Variants in COX10 observed in about 807,000 individuals in gnomAD.
COX10 encodes the protein protoheme IX farnesyltransferase, mitochondrial.
A neutral mutation model predicts 37.3 loss-of-function variants in COX10; 27 were observed. The observed-to-expected ratio is 0.72, with a 90% CI of 0.53 to 1.00. The LOEUF (loss-of-function observed/expected upper bound fraction) is 1.00. Among genes scored for constraint, COX10 ranks in the 50% least tolerant of loss-of-function variants. The pLI is 0.00. For missense variants in COX10, 475 were observed against 563.2 expected (o/e 0.84, Z 1.59); for synonymous variants, 222 against 229.1 (o/e 0.97, Z 0.28).
chr17:14,131,291 G>A (rs1162450831), intron 4 of COX10, among the ~76,000 whole-genome samples: 1 of 151,976 alleles, frequency 6.6e-6, no homozygotes, highest in East Asian at 1.9e-4. Flanking sequence ...AAGACAATAC[G>A]CTACAACAGA....
At chr17:14,127,579 A>G (rs1412756785) in intron 4 of COX10, among the ~76,000 whole-genome samples, 1 of 152,182 alleles carries the variant, frequency 6.6e-6, no homozygotes, top group East Asian at 1.9e-4. Flanking sequence ...TCTATTTATA[A>G]TATTCATGTA....
At chr17:14,181,789 A>G (rs1905867841) in intron 5 of COX10, among the ~76,000 whole-genome samples, 1 of 152,126 alleles carries the variant, frequency 6.6e-6, no homozygotes, top group South Asian at 2.1e-4. Context: ...AAAACATACT[A>G]AGAGATTGGA....
Position 14,206,807 on chromosome 17 carries a change from C to G in COX10, c.929-3C>G. 1 of 1,613,512 alleles carries G rather than the reference C, an allele frequency of 6.2e-7. No homozygotes were observed. Among genetic ancestry groups the G allele is most frequent in the Non-Finnish European group, 8.5e-7 (1 of 1,179,598 alleles). The stretch of plus-strand genomic sequence containing the variant: ...TCCCTCTCCTTCCCTGACCCCCGCA[C>G]AGGCGCATTTCTCCTGGGAGGAATC... On this transcript the variant is annotated splice_region_variant and splice_polypyrimidine_tract_variant and intron_variant, in intron 6 of 6. Coordinates refer to ENST00000261643, the MANE Select transcript of COX10 (RefSeq NM_001303.4).
At chr17:14,170,823 A>G (rs1329349035) in intron 5 of COX10, among the ~76,000 whole-genome samples, 1 of 152,158 alleles carries the variant, frequency 6.6e-6, no homozygotes, top group Non-Finnish European at 1.5e-5. Flanking sequence ...TCTCAGAGAA[A>G]AGAAAAATTC....
intron 4 of COX10, among the ~76,000 whole-genome samples, chr17:14,136,186 C>A (rs1904360686): frequency 6.6e-6 from 1 of 151,850 alleles, no homozygotes; most frequent in Non-Finnish European, 1.5e-5. Context: ...GTTTTGAAGG[C>A]TCAGAAATAC....
chr17:14,110,090 G>T (rs573491305), intron 4 of COX10, among the ~76,000 whole-genome samples: 1 of 152,154 alleles, frequency 6.6e-6, no homozygotes, highest in African/African-American at 2.4e-5. Flanking sequence ...TGTTCTCAGA[G>T]ACTTTATTTT....
At chr17:14,089,373 T>C (rs1252968362) in intron 3 of COX10, among the ~76,000 whole-genome samples, 3 of 152,258 alleles carry the variant, frequency 2.0e-5, no homozygotes, top group African/African-American at 7.2e-5. Flanking sequence ...TGTACTGATC[T>C]GGCAGCAGTT....
rs1567607448 is a variant in COX10 at position 14,172,572 on chromosome 17, C to CTTTTCCTTT, written c.695+12629_695+12630insCCTTTTTTT. Among the ~76,000 whole-genome samples, 3 of 122,764 alleles carry CTTTTCCTTT rather than the reference C, an allele frequency of 2.4e-5. 1 individual carries two copies. Among genetic ancestry groups the CTTTTCCTTT allele is most frequent in the Non-Finnish European group, 3.4e-5 (2 of 59,646 alleles). The allele number at this position is 122,764 out of a possible 152,430, so 80.5% of individuals were successfully genotyped here. A position where few individuals can be genotyped will look rare whatever the true frequency, so the allele number is the denominator to read the frequency against. ...GGCTATTCGTATGTCTTCTTTTTTT[C>CTTTTCCTTT]TTTTTCTTTTTTTTTTTTTTTTTTT... On this transcript the variant is annotated intron_variant, in intron 5 of 6. Transcript: ENST00000261643.
At chr17:14,163,170 A>G (rs1042133842) in intron 5 of COX10, among the ~76,000 whole-genome samples, 2 of 152,192 alleles carry the variant, frequency 1.3e-5, no homozygotes, top group Non-Finnish European at 2.9e-5. Flanking sequence ...TGTTCTGTAT[A>G]TGGGTCCATG....
intron 3 of COX10, among the ~76,000 whole-genome samples, chr17:14,094,517 A>G (rs1915601256): frequency 6.6e-6 from 1 of 152,084 alleles, no homozygotes; most frequent in South Asian, 2.1e-4. Flanking sequence ...TAAATGTAAA[A>G]GCATTTTGGC....
chr17:14,184,564 A>G (rs950445583), intron 5 of COX10, among the ~76,000 whole-genome samples: 18 of 152,228 alleles, frequency 1.2e-4, no homozygotes, highest in Non-Finnish European at 1.9e-4. Context: ...AAGTACTTTT[A>G]ATGACCAAAA....
At chr17:14,175,991 T>G (rs558273649) in intron 5 of COX10, among the ~76,000 whole-genome samples, 12 of 151,746 alleles carry the variant, frequency 7.9e-5, no homozygotes, top group African/African-American at 2.9e-4. Context: ...CAGAAATGAG[T>G]TGTACAAATG....
At chr17:14,147,745 T>A (rs747468627) in intron 4 of COX10, among the ~76,000 whole-genome samples, 1 of 148,894 alleles carries the variant, frequency 6.7e-6, no homozygotes, top group African/African-American at 2.6e-5. Flanking sequence ...ATATCTCATG[T>A]ACCCCATGTA....
Position 14,198,853 on chromosome 17 carries a change from G to A in COX10, c.928+6632G>A, listed in dbSNP as rs564970930. 3.3e-3 allele frequency among the ~76,000 whole-genome samples: 497 copies of A among 152,104 alleles called. 14 individuals are homozygous for A. Among genetic ancestry groups the A allele is most frequent in the Non-Finnish European group, 7.5e-4 (51 of 68,008 alleles). ...ATGATTTCCTTTATAACGCTGCCTC[G>A]GTTTGAAACCAAGCTTGAAAATGAG... On this transcript the variant is annotated intron_variant, in intron 6 of 6. Coordinates refer to ENST00000261643, the MANE Select transcript of COX10 (RefSeq NM_001303.4).
chr17:14,110,244 G>T (rs915446400), intron 4 of COX10, among the ~76,000 whole-genome samples: 4 of 152,038 alleles, frequency 2.6e-5, no homozygotes, highest in African/African-American at 9.7e-5. Flanking sequence ...TGTATGTTAT[G>T]AATATATGTA....
intron 6 of COX10, among the ~76,000 whole-genome samples, chr17:14,196,650 A>G (rs1431879069): frequency 1.3e-5 from 2 of 152,194 alleles, no homozygotes; most frequent in South Asian, 2.1e-4. Context: ...AGGTTCTCCA[A>G]GATATTGGAA....
At chr17:14,080,430 G>T (rs900812630) in intron 3 of COX10, among the ~76,000 whole-genome samples, 19 of 151,848 alleles carry the variant, frequency 1.3e-4, no homozygotes, top group Non-Finnish European at 2.4e-4. Context: ...AGCCAGGATG[G>T]TCTCAATCTC....
intron 4 of COX10, among the ~76,000 whole-genome samples, chr17:14,114,899 T>C (rs920251623): frequency 3.3e-5 from 5 of 152,140 alleles, no homozygotes; most frequent in Admixed American, 6.6e-5. Context: ...TAATCTTTTC[T>C]AGAATTTTGA....
At chr17:14,128,177 A>G (rs548718456) in intron 4 of COX10, among the ~76,000 whole-genome samples, 1 of 152,224 alleles carries the variant, frequency 6.6e-6, no homozygotes, top group African/African-American at 2.4e-5. Flanking sequence ...ATGAACCTCC[A>G]AAAGCTTATA....
Sources: allele counts gnomAD v4.1 joint callset (sites outside exome capture counted in the v4.1 genomes callset), GRCh38; gene constraint gnomAD v4.1.1; transcripts MANE v1.5; gene names NCBI Gene and HGNC (gene_info 2026-07-23, HGNC 2026-07-21).